SCAI: variants seen among roughly 807,000 people sequenced by gnomAD.
The protein encoded by SCAI is protein SCAI.
SCAI carries 24 observed loss-of-function variants against 92.2 expected under a neutral mutation model. The observed-to-expected ratio is 0.26, with a 90% confidence interval of 0.19 to 0.37. The LOEUF (loss-of-function observed/expected upper bound fraction) is 0.37, where lower values mean the gene tolerates loss of function less well. Among genes scored for constraint, SCAI ranks in the 10% least tolerant of loss-of-function variants. The probability of loss-of-function intolerance (pLI) is 1.00; values close to 1 mark genes in which losing one functional copy is unlikely to be tolerated. For synonymous variants in SCAI, 261 were observed against 258.6 expected, an observed-to-expected ratio of 1.01 and a Z score of -0.09; for missense variants, 450 against 736.2, an observed-to-expected ratio of 0.61 and a Z score of 4.50.
intron 9 of SCAI, among the ~76,000 whole-genome samples, chr9:125,012,899 G>A (rs1832669702): frequency 4.0e-5 from 6 of 151,462 alleles, no homozygotes; most frequent in Admixed American, 3.9e-4. Context: ...TCAACTACAT[G>A]GAAACTGAAC....
intron 2 of SCAI, among the ~76,000 whole-genome samples, chr9:125,077,892 T>C (rs1442725898): frequency 1.3e-5 from 2 of 152,064 alleles, no homozygotes; most frequent in African/African-American, 4.8e-5. Context: ...CTAATTTTTG[T>C]ATTTTTAGTA....
At chr9:125,136,101 A>C (rs1168289509) in intron 2 of SCAI, among the ~76,000 whole-genome samples, 1 of 151,558 alleles carries the variant, frequency 6.6e-6, no homozygotes, top group Non-Finnish European at 1.5e-5. Flanking sequence ...GGCTACATTC[A>C]ACAATTAACT....
chr9:125,064,142 GA>G (rs1833833537), intron 2 of SCAI, among the ~76,000 whole-genome samples: 1 of 152,004 alleles, frequency 6.6e-6, no homozygotes, highest in African/African-American at 2.4e-5. Flanking sequence ...TGAAGAAACA[GA>G]CAAATCCACA....
chr9:125,080,689 T>TA (rs1449787952), intron 2 of SCAI, among the ~76,000 whole-genome samples: 5 of 152,222 alleles, frequency 3.3e-5, no homozygotes, highest in African/African-American at 1.2e-4. Context: ...ATAAAGGTAT[T>TA]ATGAAGATTC....
At chr9:125,064,033 G>A (rs759550029) in intron 2 of SCAI, among the ~76,000 whole-genome samples, 6 of 152,070 alleles carry the variant, frequency 3.9e-5, no homozygotes, top group Non-Finnish European at 5.9e-5. Context: ...GATTACAGGC[G>A]TGAGCCACCG....
chr9:125,074,503 C>T (rs939511011), intron 2 of SCAI, among the ~76,000 whole-genome samples: 19 of 149,660 alleles, frequency 1.3e-4, no homozygotes, highest in African/African-American at 4.4e-4. Context: ...AGTGATCCGC[C>T]CACCTCGGCC....
intron 2 of SCAI, among the ~76,000 whole-genome samples, chr9:125,132,096 T>C (rs989860534): frequency 8.5e-5 from 13 of 152,060 alleles, no homozygotes; most frequent in African/African-American, 2.4e-4. Context: ...GGTTATCCCA[T>C]TCATTTTCTT....
At position 124,944,935 on chromosome 9, in the gene SCAI, G is replaced by C. The variant is rs761789362; in HGVS notation, c.*7872C>G. ...TCATTTACGGCAGCCCTATAAGAAG[G>C]CTAGCCATAATTCCCTATTTCATTC... On this transcript the variant is annotated 3_prime_UTR_variant, in exon 18 of 18. Transcript: ENST00000336505. The C allele has an allele frequency of 5.3e-5, 8 of 152,096 alleles. No homozygotes were observed. The highest frequency in any genetic ancestry group is 7.4e-5 in the Non-Finnish European group (5 of 68,008). The allele number at this position is 152,096 out of a possible 1,614,324, so 9.4% of individuals were successfully genotyped here. A position where few individuals can be genotyped will look rare whatever the true frequency, so the allele number is the denominator to read the frequency against.
intron 3 of SCAI, among the ~76,000 whole-genome samples, chr9:125,050,068 T>A (rs1833528333): frequency 6.8e-6 from 1 of 147,846 alleles, no homozygotes; most frequent in African/African-American, 2.5e-5. Flanking sequence ...TTACAACATG[T>A]GGAAAAGGAG....
intron 2 of SCAI, among the ~76,000 whole-genome samples, chr9:125,066,548 C>T (rs766008917): frequency 6.6e-6 from 1 of 151,964 alleles, no homozygotes; most frequent in Admixed American, 6.6e-5. Context: ...CTCTGACTCC[C>T]GGGTTCACAC....
chr9:125,070,037 G>C (rs1833949984), intron 2 of SCAI, among the ~76,000 whole-genome samples: 1 of 152,118 alleles, frequency 6.6e-6, no homozygotes, highest in African/African-American at 2.4e-5. Flanking sequence ...ATAATACCTA[G>C]CTCTTAAAGT....
intron 3 of SCAI, among the ~76,000 whole-genome samples, chr9:125,046,272 C>T (rs1273736826): frequency 8.8e-6 from 1 of 113,296 alleles, no homozygotes; most frequent in Non-Finnish European, 1.8e-5. Context: ...TACACACACA[C>T]ATATATATAT....
At chr9:124,961,649 CAAA>C (rs34369784) in intron 17 of SCAI, among the ~76,000 whole-genome samples, 4 of 119,862 alleles carry the variant, frequency 3.3e-5, no homozygotes, top group Non-Finnish European at 3.4e-5. Context: ...GACTCCATCT[CAAA>C]AAAAAAAAAA....
intron 2 of SCAI, among the ~76,000 whole-genome samples, chr9:125,064,196 A>G (rs1037716243): frequency 6.6e-6 from 1 of 152,216 alleles, no homozygotes; most frequent in Non-Finnish European, 1.5e-5. Flanking sequence ...AGTAACTAAC[A>G]AAAGAATCAT....
In SCAI at chr9:124,964,640, G is replaced by A. The variant is rs116105572; in HGVS notation, c.1674+6730C>T. On this transcript the variant is annotated intron_variant, in intron 17 of 17. Transcript: ENST00000336505. ...CTAGAGGCTGACATTGTGTTCTGGG[G>A]CAAGTAGGCCACTTTGATACCTTCA... is the stretch of plus-strand genomic sequence containing the variant. 9.8e-3 allele frequency among the ~76,000 whole-genome samples: 1,486 copies of A among 152,300 alleles called. 20 individuals carry two copies. Among genetic ancestry groups the A allele is most frequent in the African/African-American group, 0.034 (1,416 of 41,552 alleles).
intron 17 of SCAI, among the ~76,000 whole-genome samples, chr9:124,970,191 A>G (rs1056507605): frequency 6.6e-6 from 1 of 152,158 alleles, no homozygotes; most frequent in Non-Finnish European, 1.5e-5. Flanking sequence ...GAAGCAACCC[A>G]AATGTCCATT....
intron 2 of SCAI, among the ~76,000 whole-genome samples, chr9:125,102,253 T>TC: frequency 6.6e-6 from 1 of 152,334 alleles, no homozygotes; most frequent in East Asian, 1.9e-4. Flanking sequence ...TATTCCTTTT[T>TC]CCCAAGTCTA....
In SCAI at chr9:124,951,165, G is replaced by A. The variant is rs898067796; in HGVS notation, c.*1642C>T. The A allele has an allele frequency of 2.6e-5, 4 of 151,082 alleles. No individual in the cohort carries two copies. Among genetic ancestry groups the A allele is most frequent in the African/African-American group, 9.8e-5 (4 of 40,992 alleles). 9.4% of individuals were successfully genotyped at this position (151,082 alleles called of 1,614,324 possible). ...AAATCAGCAAATCAAAGCAGGAATG[G>A]GAATAACTTAGACCCAAATTAGTCT... On this transcript the variant is annotated 3_prime_UTR_variant, in exon 18 of 18. Coordinates refer to ENST00000336505, the MANE Select transcript of SCAI (RefSeq NM_001144877.3).
At chr9:125,050,908 C>T (rs375767139) in intron 3 of SCAI, among the ~76,000 whole-genome samples, 1 of 151,850 alleles carries the variant, frequency 6.6e-6, no homozygotes, top group Non-Finnish European at 1.5e-5. Context: ...GAAAACAATA[C>T]GGCTGCTATA....
Sources: allele counts gnomAD v4.1 joint callset (sites outside exome capture counted in the v4.1 genomes callset), GRCh38; gene constraint gnomAD v4.1.1; transcripts MANE v1.5; gene names NCBI Gene and HGNC (gene_info 2026-07-23, HGNC 2026-07-21).